The following CAT variants were observed in gnomAD, a reference collection of about 807,000 sequenced individuals.
CAT encodes the protein epididymis secretory sperm binding protein.
In CAT, 43 loss-of-function variants were observed where a neutral mutation model predicts 59.0. That is an observed-to-expected ratio of 0.73 (90% CI 0.57 to 0.94). The LOEUF (loss-of-function observed/expected upper bound fraction) is 0.94. Ranked by LOEUF, CAT falls within the 40% of genes least tolerant of loss-of-function variation. CAT has a pLI of 0.00. For synonymous variants in CAT, 218 were observed against 230.9 expected, an observed-to-expected ratio of 0.94 and a Z score of 0.51; for missense variants, 664 against 682.9, an observed-to-expected ratio of 0.97 and a Z score of 0.31.
chr11:34,459,809 A>G (rs976732635), intron 8 of CAT, among the ~76,000 whole-genome samples: 1 of 152,248 alleles, frequency 6.6e-6, no homozygotes, highest in Non-Finnish European at 1.5e-5. Flanking sequence ...GCAGGATTGT[A>G]TCTCCTATCC....
chr11:34,441,943 T>G (rs2133176235), intron 1 of CAT, among the ~76,000 whole-genome samples: 1 of 152,376 alleles, frequency 6.6e-6, no homozygotes, highest in East Asian at 1.9e-4. Context: ...CTGAGCCTTT[T>G]TCCAAAGTGG....
At chr11:34,457,305 CA>C (rs1856602859) in intron 8 of CAT, among the ~76,000 whole-genome samples, 1 of 150,226 alleles carries the variant, frequency 6.7e-6, no homozygotes, top group African/African-American at 2.5e-5. Flanking sequence ...CTCCGCCTCC[CA>C]GGTTCAAGCG....
chr11:34,447,033 C>T (rs536955073), intron 1 of CAT, among the ~76,000 whole-genome samples: 166 of 152,122 alleles, frequency 1.1e-3, no homozygotes, highest in Admixed American at 4.3e-3. Context: ...TGTGAGCCAC[C>T]GCGCCCAGCC....
chr11:34,456,851 G>T, intron 8 of CAT, 34 bp downstream of exon 8: 3 of 1,611,858 alleles, frequency 1.9e-6, no homozygotes, highest in Non-Finnish European at 2.5e-6. Context: ...TCTGAGGCAG[G>T]TGTCCATGTG....
chr11:34,449,111 C>T, intron 1 of CAT, 81 bp from the exon 2 acceptor site: 2 of 1,240,238 alleles, frequency 1.6e-6, no homozygotes, highest in East Asian at 2.3e-5. Context: ...ATAAACATTG[C>T]AAAGCTATGT....
At chr11:34,461,619 C>T (rs1856653049) in intron 9 of CAT, among the ~76,000 whole-genome samples, 1 of 152,244 alleles carries the variant, frequency 6.6e-6, no homozygotes, top group Admixed American at 6.5e-5. Flanking sequence ...TGAGCATTTC[C>T]ACCTCAGATG....
At chr11:34,452,337 T>C in intron 4 of CAT, 130 bp downstream of exon 4, 1 of 786,260 alleles carries the variant, frequency 1.3e-6, no homozygotes, top group South Asian at 1.5e-5. Flanking sequence ...GACTACTTTT[T>C]TCAACACATT....
At chr11:34,452,821 A>G (rs1352910365) in intron 4 of CAT, among the ~76,000 whole-genome samples, 1 of 151,826 alleles carries the variant, frequency 6.6e-6, no homozygotes, top group Admixed American at 6.6e-5. Flanking sequence ...TGCCATTGCA[A>G]TCAGCCTGGG....
chr11:34,471,995 G>GATTTC lies in CAT; in HGVS notation c.*564_*568dup, dbSNP rs1272340627. On this transcript the variant is annotated 3_prime_UTR_variant, in exon 13 of 13. Transcript: ENST00000241052. ...GTTACATTAATGTTAATTCAGCACT[G>GATTTC]ATTTCACAACAGATCAATTTGTAAT... 1 of 160,536 alleles carries GATTTC rather than the reference G, an allele frequency of 6.2e-6. No homozygotes were observed. Among genetic ancestry groups the GATTTC allele is most frequent in the African/African-American group, 2.4e-5 (1 of 41,460 alleles). 9.9% of individuals were successfully genotyped at this position (160,536 alleles called of 1,614,324 possible).
intron 5 of CAT, 46 bp downstream of exon 5, chr11:34,453,240 T>G: frequency 9.5e-7 from 1 of 1,049,516 alleles, no homozygotes; most frequent in Non-Finnish European, 1.5e-6. Context: ...TGGGATGCAG[T>G]GTTTAATTAT....
intron 1 of CAT, among the ~76,000 whole-genome samples, chr11:34,447,384 G>C (rs141253544): frequency 2.6e-5 from 4 of 151,978 alleles, no homozygotes; most frequent in African/African-American, 9.7e-5. Context: ...CTCTTTTTCT[G>C]GTTCATTTTC....
chr11:34,468,474 A>C, intron 11 of CAT, 79 bp downstream of exon 11: 1 of 1,022,096 alleles, frequency 9.8e-7, no homozygotes, highest in South Asian at 1.3e-5. Flanking sequence ...CCTAAAAAGA[A>C]AGTGCCATTT....
Position 34,439,043 on chromosome 11 carries a change from C to A in CAT, c.30C>A (p.Asp10Glu), listed in dbSNP as rs766786703. The A allele has an allele frequency of 5.0e-6, 8 of 1,599,856 alleles. No individual in the cohort carries two copies. The highest frequency in any genetic ancestry group is 6.0e-6 in the Non-Finnish European group (7 of 1,173,326). MADSRDPAS[D>E]QMQHWKEQRA... ...CTGACAGCCGGGATCCCGCCAGCGA[C>A]CAGATGCAGCACTGGAAGGAGCAGC... Residue 10 changes from aspartate to glutamate, a missense_variant, in exon 1 of 13, where the codon GAC (aspartate) becomes GAA (glutamate). Coordinates refer to ENST00000241052, the MANE Select transcript of CAT (RefSeq NM_001752.4).
chr11:34,443,821 T>A (rs1345152871), intron 1 of CAT, among the ~76,000 whole-genome samples: 1 of 152,176 alleles, frequency 6.6e-6, no homozygotes, highest in African/African-American at 2.4e-5. Context: ...TGGTAATAAC[T>A]GCATTGATGT....
intron 10 of CAT, among the ~76,000 whole-genome samples, chr11:34,464,859 A>T: frequency 6.7e-6 from 1 of 149,282 alleles, no homozygotes; most frequent in Non-Finnish European, 1.5e-5. Flanking sequence ...TTTTTGGACC[A>T]CCTTTTACTC....
chr11:34,461,047 C>T (rs1856643662), intron 8 of CAT: 1 of 656,234 alleles, frequency 1.5e-6, no homozygotes, highest in East Asian at 2.6e-5. Context: ...GGCCAGAGGG[C>T]CTGGGAAATT....
chr11:34,446,074 C>T (rs1179208810), intron 1 of CAT, among the ~76,000 whole-genome samples: 3 of 152,076 alleles, frequency 2.0e-5, no homozygotes, highest in African/African-American at 4.8e-5. Context: ...GCATCCTGCT[C>T]CTCACCTTCT....
intron 1 of CAT, 110 bp from the exon 2 acceptor site, chr11:34,449,081 TA>T: frequency 3.1e-6 from 3 of 972,228 alleles, no homozygotes; most frequent in Non-Finnish European, 4.8e-6. Flanking sequence ...CACAGGAAAT[TA>T]AAAAAGAGGG....
chr11:34,453,714 C>G, intron 5 of CAT, 87 bp from the exon 6 acceptor site: 1 of 1,298,606 alleles, frequency 7.7e-7, no homozygotes, highest in Non-Finnish European at 1.1e-6. Flanking sequence ...CATTAAGGGA[C>G]TTTCTGGAAA....
Sources: gnomAD v4.1 joint callset for allele counts (sites outside exome capture counted in the v4.1 genomes callset) on GRCh38, gnomAD v4.1.1 for gene constraint, MANE v1.5 for transcripts, NCBI Gene and HGNC (gene_info 2026-07-23, HGNC 2026-07-21) for gene names.